Variants in SLC8A1 observed in about 807,000 individuals in gnomAD.
SLC8A1 encodes sodium/calcium exchanger 1.
Under a neutral mutation model 68.3 loss-of-function variants are expected in SLC8A1, and 18 were observed. That is an observed-to-expected ratio of 0.26 (90% confidence interval 0.18 to 0.39). The LOEUF is 0.39. Ranked by LOEUF, SLC8A1 falls within the 10% of genes least tolerant of loss-of-function variation. SLC8A1 has a pLI of 1.00. For missense variants in SLC8A1, 985 were observed against 1,156.7 expected, an observed-to-expected ratio of 0.85 and a Z score of 2.15; for synonymous variants, 475 against 415.5, an observed-to-expected ratio of 1.14 and a Z score of -1.74.
chr2:40,188,920 T>A (rs2148634905), intron 2 of SLC8A1, among the ~76,000 whole-genome samples: 1 of 152,334 alleles, frequency 6.6e-6, no homozygotes, highest in East Asian at 1.9e-4. Context: ...AACCAATAAT[T>A]AGTGAATTGG....
intron 2 of SLC8A1, among the ~76,000 whole-genome samples, chr2:40,225,328 G>C (rs528988978): frequency 1.3e-5 from 2 of 152,168 alleles, no homozygotes; most frequent in Admixed American, 1.3e-4. Flanking sequence ...AATTTAATTT[G>C]AATATTCAAT....
rs886756635 is a variant in SLC8A1, at chr2:40,215,606, C to T, written c.1809-37751G>A. On this transcript the variant is annotated intron_variant, in intron 2 of 7. Transcript: ENST00000406785. Reference sequence around the variant, plus strand: ...GAGCCGAGATTGTGCCACTGCAGTCCGCAGTCCGGCCTGGGCGACAAAGCG... The same window carrying T: ...GAGCCGAGATTGTGCCACTGCAGTCTGCAGTCCGGCCTGGGCGACAAAGCG... Among the ~76,000 whole-genome samples the T allele has an allele frequency of 1.2e-4, 16 of 134,486 alleles. 1 individual carries two copies. The highest frequency in any genetic ancestry group is 3.4e-4 in the African/African-American group (12 of 35,212). The allele number at this position is 134,486 out of a possible 152,430, so 88.2% of individuals were successfully genotyped here. A position where few individuals can be genotyped will look rare whatever the true frequency, so the allele number is the denominator to read the frequency against.
intron 2 of SLC8A1, among the ~76,000 whole-genome samples, chr2:40,203,719 A>G (rs1214894881): frequency 6.6e-6 from 1 of 151,888 alleles, no homozygotes; most frequent in Non-Finnish European, 1.5e-5. Flanking sequence ...GGGTTATTTT[A>G]TTTTGAGACA....
intron 1 of SLC8A1, among the ~76,000 whole-genome samples, chr2:40,460,262 T>C (rs1703263963): frequency 6.6e-6 from 1 of 152,210 alleles, no homozygotes; most frequent in Non-Finnish European, 1.5e-5. Context: ...TGAATGTTGC[T>C]CAAGGAAAAG....
chr2:40,429,578 C>A, exon 2 of SLC8A1: 1 of 1,613,682 alleles, frequency 6.2e-7, no homozygotes. Context: ...GTAAGCAAAC[C>A]TTCCCAGACC....
intron 1 of SLC8A1, among the ~76,000 whole-genome samples, chr2:40,495,846 G>T (rs919689025): frequency 2.2e-4 from 34 of 152,006 alleles, no homozygotes; most frequent in African/African-American, 7.0e-4. Context: ...CCCATTTAAA[G>T]AATTACCTTC....
intron 2 of SLC8A1, chr2:40,223,624 C>T (rs1440846243): frequency 6.6e-6 from 1 of 151,910 alleles, no homozygotes; most frequent in African/African-American, 2.4e-5. Flanking sequence ...TTTTCTTTCT[C>T]CCTAGGTTTT....
chr2:40,278,004 A>T (rs983107704), intron 2 of SLC8A1, among the ~76,000 whole-genome samples: 3 of 151,984 alleles, frequency 2.0e-5, no homozygotes, highest in Non-Finnish European at 2.9e-5. Flanking sequence ...TACATGATAG[A>T]ACTAGGATTT....
At chr2:40,158,450 T>A (rs1469249039) in intron 6 of SLC8A1, among the ~76,000 whole-genome samples, 2 of 152,220 alleles carry the variant, frequency 1.3e-5, no homozygotes, top group African/African-American at 4.8e-5. Context: ...CCTGCGAATT[T>A]CTAAGCAATT....
At chr2:40,159,242 T>G (rs2045215445) in intron 6 of SLC8A1, among the ~76,000 whole-genome samples, 1 of 152,246 alleles carries the variant, frequency 6.6e-6, no homozygotes, top group South Asian at 2.1e-4. Context: ...TCTGTCTGAT[T>G]TACTGTATCC....
intron 2 of SLC8A1, among the ~76,000 whole-genome samples, chr2:40,197,710 G>A (rs1467120643): frequency 6.6e-6 from 1 of 151,916 alleles, no homozygotes; most frequent in Non-Finnish European, 1.5e-5. Context: ...AAGTGAAACT[G>A]CTTGTCTCCC....
At chr2:40,136,648 G>A (rs2040547918) in intron 7 of SLC8A1, among the ~76,000 whole-genome samples, 1 of 151,968 alleles carries the variant, frequency 6.6e-6, no homozygotes, top group South Asian at 2.1e-4. Flanking sequence ...ATAAATGAAG[G>A]GAATTATTTT....
chr2:40,383,396 G>C (rs1014129274), intron 2 of SLC8A1, among the ~76,000 whole-genome samples: 1 of 152,016 alleles, frequency 6.6e-6, no homozygotes, highest in African/African-American at 2.4e-5. Context: ...AGAAACATTT[G>C]ACACAGGAAC....
At chr2:40,178,285 G>A in intron 2 of SLC8A1, 102 bp downstream of exon 3, 1 of 858,138 alleles carries the variant, frequency 1.2e-6, no homozygotes, top group Non-Finnish European at 2.0e-6. Flanking sequence ...CATAGGTGGA[G>A]GGATGTGTGC....
At chr2:40,228,102 T>G (rs1019371835) in intron 2 of SLC8A1, among the ~76,000 whole-genome samples, 1 of 152,214 alleles carries the variant, frequency 6.6e-6, no homozygotes, top group African/African-American at 2.4e-5. Context: ...TCTTGAGGAC[T>G]GCCTTTCATC....
chr2:40,233,560 G>T (rs1400316848), intron 2 of SLC8A1, among the ~76,000 whole-genome samples: 2 of 135,086 alleles, frequency 1.5e-5, no homozygotes, highest in Admixed American at 1.5e-4. Flanking sequence ...TGTTCTCTCT[G>T]ACGGTAGTTT....
intron 2 of SLC8A1, among the ~76,000 whole-genome samples, chr2:40,354,170 T>G (rs913523885): frequency 6.6e-6 from 1 of 152,196 alleles, no homozygotes; most frequent in African/African-American, 2.4e-5. Flanking sequence ...AATATATGAG[T>G]GCCTTTGTTT....
intron 2 of SLC8A1, among the ~76,000 whole-genome samples, chr2:40,184,898 C>CAAAAAA (rs66662572): frequency 2.3e-3 from 248 of 106,186 alleles, no homozygotes; most frequent in African/African-American, 3.4e-3. Flanking sequence ...TAACCAAAAA[C>CAAAAAA]AAAAAAAAAA....
At chr2:40,199,870 T>C (rs1042712017) in intron 2 of SLC8A1, among the ~76,000 whole-genome samples, 2 of 151,502 alleles carry the variant, frequency 1.3e-5, no homozygotes, top group African/African-American at 4.8e-5. Flanking sequence ...GTGGCCATAT[T>C]TGGCAAAGGC....
Sources: gnomAD v4.1 joint callset for allele counts (sites outside exome capture counted in the v4.1 genomes callset) on GRCh38, gnomAD v4.1.1 for gene constraint, MANE v1.5 for transcripts, NCBI Gene and HGNC (gene_info 2026-07-23, HGNC 2026-07-21) for gene names.